Variants in FAM200B observed in about 807,000 individuals in gnomAD.
FAM200B encodes protein FAM200B.
Under a neutral mutation model 33.1 loss-of-function variants are expected in FAM200B, and 32 were observed. That is an observed-to-expected ratio of 0.97 (90% CI 0.73 to 1.30). The LOEUF (loss-of-function observed/expected upper bound fraction) is 1.30, where lower values mean the gene tolerates loss of function less well. Ranked by LOEUF, FAM200B falls within the 50% of genes most tolerant of loss-of-function variation. The pLI is 0.00. For synonymous variants in FAM200B, 240 were observed against 264.8 expected, an observed-to-expected ratio of 0.91 and a Z score of 0.91; for missense variants, 741 against 754.0, an observed-to-expected ratio of 0.98 and a Z score of 0.20.
the FAM200B span, among the ~76,000 whole-genome samples, chr4:15,645,613 G>C: frequency 9.6e-3 from 1,459 of 151,998 alleles, 19 homozygotes; most frequent in African/African-American, 0.034. Context: ...TTTTTTAGCA[G>C]AGATGGGGTT....
At chr4:15,667,209 A>T in the FAM200B span, among the ~76,000 whole-genome samples, 1 of 152,218 alleles carries the variant, frequency 6.6e-6, no homozygotes, top group South Asian at 2.1e-4. Flanking sequence ...CTTTCACTAA[A>T]CAGCCACATG....
rs749665635 is a variant in FAM200B, at chr4:15,688,015, G to A, written c.1038G>A (p.Leu346=). 1.9e-5 allele frequency: 29 copies of A among 1,550,782 alleles called. No homozygotes were observed. The African/African-American group carries it at 3.4e-4, about 18-fold the overall frequency. Reference sequence around the variant, plus strand: ...TTCCACAGAATCTCATGGAGGTATTGAAAAATGCAGTGAAAGTTGTTAATT... The same window carrying A: ...TTCCACAGAATCTCATGGAGGTATTAAAAAATGCAGTGAAAGTTGTTAATT... ...REIPQNLMEV[L]KNAVKVVNFI... is the part of the protein sequence containing the mutation. Residue 346 remains leucine (L), a synonymous_variant, in exon 2 of 2, where the codon TTG becomes TTA. Transcript: ENST00000422728.
At chr4:15,675,728 C>T in the FAM200B span, among the ~76,000 whole-genome samples, 1 of 151,900 alleles carries the variant, frequency 6.6e-6, no homozygotes, top group Non-Finnish European at 1.5e-5. Flanking sequence ...ATTACTGGCA[C>T]CTGACACCAC....
upstream of FAM200B, chr4:15,681,152 T>C (rs1420048116): frequency 6.6e-6 from 1 of 152,130 alleles, no homozygotes; most frequent in Non-Finnish European, 1.5e-5. Flanking sequence ...AATGATCTGC[T>C]AACCTAAAGA....
chr4:15,680,641 A>G (rs1718198608), upstream of FAM200B, among the ~76,000 whole-genome samples: 1 of 152,060 alleles, frequency 6.6e-6, no homozygotes, highest in Admixed American at 6.6e-5. Context: ...GCGCCACTGC[A>G]CTCCAGCCTG....
At chr4:15,681,641 C>T (rs1215122684), upstream of FAM200B, 1 of 152,582 alleles carries the variant, frequency 6.6e-6, no homozygotes, top group Non-Finnish European at 1.5e-5. Flanking sequence ...GGCGGAAATC[C>T]CGCGAGACTG....
chr4:15,656,337 G>A, the FAM200B span: 6 of 456,066 alleles, frequency 1.3e-5, no homozygotes, highest in Admixed American at 9.4e-5. Flanking sequence ...GTTGGCTGGA[G>A]TACTGCTGGA....
chr4:15,639,871 A>G, the FAM200B span, among the ~76,000 whole-genome samples: 15 of 152,250 alleles, frequency 9.9e-5, no homozygotes, highest in African/African-American at 3.6e-4. Flanking sequence ...GAGAATCACT[A>G]CAATAACTGA....
At chr4:15,655,543 TTCATAAGCCGCAGAAGGAACCCAAA>T in the FAM200B span, 6 of 221,866 alleles carry the variant, frequency 2.7e-5, no homozygotes, top group Non-Finnish European at 4.6e-5. Context: ...TTTTGTCGTC[TTCATAAGCCGCAGAAGGAACCCAAA>T]CCTTTTCCCT....
chr4:15,658,026 C>T, the FAM200B span, among the ~76,000 whole-genome samples: 50,712 of 152,044 alleles, frequency 0.33, 8,812 homozygotes, highest in Non-Finnish European at 0.37. Context: ...CTCTTACCTA[C>T]TCTCATTCTC....
chr4:15,680,707 T>C (rs962218195), upstream of FAM200B, among the ~76,000 whole-genome samples: 5 of 151,934 alleles, frequency 3.3e-5, no homozygotes, highest in Non-Finnish European at 5.9e-5. Flanking sequence ...AGTTGGAGAA[T>C]CAAAAATTTT....
chr4:15,675,163 G>A, the FAM200B span, among the ~76,000 whole-genome samples: 1 of 152,044 alleles, frequency 6.6e-6, no homozygotes, highest in Non-Finnish European at 1.5e-5. Context: ...GATTTTTTAT[G>A]TTAAGTCACA....
the FAM200B span, among the ~76,000 whole-genome samples, chr4:15,646,367 G>GA: frequency 1.1e-5 from 1 of 87,356 alleles, no homozygotes; most frequent in Non-Finnish European, 2.6e-5. Context: ...ACATATTATA[G>GA]ATTTTTTTTT....
At chr4:15,647,718 A>C in the FAM200B span, among the ~76,000 whole-genome samples, 25 of 152,256 alleles carry the variant, frequency 1.6e-4, no homozygotes, top group Non-Finnish European at 3.4e-4. Flanking sequence ...AACCTAGCAC[A>C]GTAGTTAAAA....
At chr4:15,649,510 G>T in the FAM200B span, among the ~76,000 whole-genome samples, 8 of 148,646 alleles carry the variant, frequency 5.4e-5, no homozygotes, top group Non-Finnish European at 1.0e-4. Flanking sequence ...AACCCGGGAG[G>T]CAGAGGTTGC....
the FAM200B span, among the ~76,000 whole-genome samples, chr4:15,661,836 A>T: frequency 6.6e-6 from 1 of 152,216 alleles, no homozygotes; most frequent in Admixed American, 6.5e-5. Flanking sequence ...TAAAGCTGCG[A>T]TCATCCGATG....
intron 1 of FAM200B, among the ~76,000 whole-genome samples, chr4:15,683,291 C>T (rs1718515777): frequency 6.6e-6 from 1 of 151,732 alleles, no homozygotes; most frequent in Admixed American, 6.6e-5. Flanking sequence ...TGATACCTCA[C>T]ATCCTATTGA....
chr4:15,651,954 T>G, the FAM200B span, among the ~76,000 whole-genome samples: 1 of 152,194 alleles, frequency 6.6e-6, no homozygotes, highest in Non-Finnish European at 1.5e-5. Context: ...CTCCCTTTGC[T>G]CCCACTATAC....
the FAM200B span, chr4:15,644,746 G>A: frequency 3.1e-5 from 44 of 1,412,624 alleles, no homozygotes; most frequent in African/African-American, 8.0e-5. Flanking sequence ...TAATAAATAC[G>A]TGCAAATATG....
Sources: gnomAD v4.1 joint callset for allele counts (sites outside exome capture counted in the v4.1 genomes callset) on GRCh38, gnomAD v4.1.1 for gene constraint, MANE v1.5 for transcripts, NCBI Gene and HGNC (gene_info 2026-07-23, HGNC 2026-07-21) for gene names.